The following PNPLA6 variants were observed in gnomAD, a reference collection of about 807,000 sequenced individuals.
The protein encoded by PNPLA6 is patatin-like phospholipase domain-containing protein 6.
PNPLA6 carries 105 observed loss-of-function variants against 153.7 expected under a neutral mutation model. The ratio of observed to expected loss-of-function variants is 0.68; its 90% CI spans 0.58 to 0.80. PNPLA6 has a LOEUF of 0.80. PNPLA6 is among the 30% of genes least tolerant of loss of function. The pLI is 0.00. For synonymous variants in PNPLA6, 825 were observed against 822.2 expected (o/e 1.00, Z -0.06); for missense variants, 1,423 against 1,919.3 (o/e 0.74, Z 4.83).
chr19:7,539,754 T>A (rs1330616705), intron 3 of PNPLA6, among the ~76,000 whole-genome samples, 164 bp from the exon 4 acceptor site: 1 of 117,188 alleles, frequency 8.5e-6, no homozygotes, highest in East Asian at 2.5e-4. Context: ...CAAAACTTCG[T>A]CTCAAAAAAA....
At chr19:7,556,053 CTTTTTTTTTT>C (rs33951220) in intron 24 of PNPLA6, among the ~76,000 whole-genome samples, 3 of 60,328 alleles carry the variant, frequency 5.0e-5, no homozygotes, top group East Asian at 4.4e-4. Flanking sequence ...CTAAGTGTTC[CTTTTTTTTTT>C]TTTTTTTTTT....
rs2023130612 is a variant in PNPLA6, at chr19:7,541,348, C to T, written c.925-6C>T. On this transcript the variant is annotated splice_region_variant and splice_polypyrimidine_tract_variant and intron_variant, in intron 7 of 31. Transcript: ENST00000600737. The surrounding 1 kb of genome is among the most constrained non-coding windows in gnomAD (Gnocchi z 5.2). ...ATCTTATGGCCACGCCCCTCGAGCC[C>T]TGCAGATCATCATGGTGCGGCTGCA... is the stretch of plus-strand genomic sequence containing the variant. 1.2e-6 allele frequency: 2 copies of T among 1,613,422 alleles called. No homozygotes were observed. Among genetic ancestry groups the T allele is most frequent in the African/African-American group, 2.7e-5 (2 of 74,916 alleles).
chr19:7,540,581 C>A lies in PNPLA6; in HGVS notation c.715-49C>A. On this transcript the variant is annotated intron_variant, in intron 5 of 31. Transcript: ENST00000600737. This position sits in a 1 kb window ranked among gnomAD's most constrained non-coding sequence, Gnocchi z 6.8. Reference sequence around the variant, plus strand: ...TGGGATGGATGAGGGGGCGACATGCCAGTCACCAGGGCGAGGCCACTGAGG... The same window carrying A: ...TGGGATGGATGAGGGGGCGACATGCAAGTCACCAGGGCGAGGCCACTGAGG... 2 of 1,402,326 alleles carry A rather than the reference C, an allele frequency of 1.4e-6. No individual in the cohort carries two copies. The highest frequency in any genetic ancestry group is 1.0e-6 in the Non-Finnish European group (1 of 986,550). The allele number at this position is 1,402,326 out of a possible 1,614,324, so 86.9% of individuals were successfully genotyped here.
intron 11 of PNPLA6, 35 bp downstream of exon 11, chr19:7,542,705 G>T (rs746624003): frequency 6.2e-7 from 1 of 1,612,080 alleles, no homozygotes; most frequent in South Asian, 1.1e-5. Context: ...GGTGGAGCCC[G>T]CAGGGGAAGG....
chr19:7,561,701 G>A lies in PNPLA6; in HGVS notation c.*139G>A, dbSNP rs534152961. 3.5e-4 allele frequency: 249 copies of A among 713,030 alleles called. No individual in the cohort carries two copies. The highest frequency in any genetic ancestry group is 2.7e-3 in the Middle Eastern group (12 of 4,380). The allele number at this position is 713,030 out of a possible 1,614,324, so 44.2% of individuals were successfully genotyped here. Reference sequence around the variant, plus strand: ...CACACTGGACTGACCTGCCCTGAGCGGGGATGCAGTGTTGCACTGATGACT... The same window carrying A: ...CACACTGGACTGACCTGCCCTGAGCAGGGATGCAGTGTTGCACTGATGACT... On this transcript the variant is annotated 3_prime_UTR_variant, in exon 32 of 32. Transcript: ENST00000600737.
chr19:7,547,015 C>G (rs2023413039), intron 13 of PNPLA6, among the ~76,000 whole-genome samples: 1 of 152,046 alleles, frequency 6.6e-6, no homozygotes, highest in Admixed American at 6.6e-5. Context: ...AGCAGTTCTC[C>G]TGTCTCAGCC....
chr19:7,557,783 C>CAAAA (rs1555751198), intron 27 of PNPLA6, among the ~76,000 whole-genome samples: 1 of 110,600 alleles, frequency 9.0e-6, no homozygotes, highest in Non-Finnish European at 1.7e-5. Context: ...GACTCAGTCT[C>CAAAA]AAAAAAAAAA....
Position 7,540,436 on chromosome 19 carries a change from A to C in PNPLA6, c.714+128A>C. 8.7e-7 allele frequency: 1 copy of C among 1,146,044 alleles called. No individual in the cohort carries two copies. Among genetic ancestry groups the C allele is most frequent in the Non-Finnish European group, 1.2e-6 (1 of 801,270 alleles). 71.0% of individuals were successfully genotyped at this position (1,146,044 alleles called of 1,614,324 possible). A position where few individuals can be genotyped will look rare whatever the true frequency, so the allele number is the denominator to read the frequency against. On this transcript the variant is annotated intron_variant, in intron 5 of 31. Transcript: ENST00000600737. The surrounding 1 kb of genome is among the most constrained non-coding windows in gnomAD (Gnocchi z 6.8). ...GAGTCAGGGGAACGGGTGACCGAGGACATTTGGGGTAGTCTGCGTAGTTGC... is the reference window on the plus strand; with the variant it reads ...GAGTCAGGGGAACGGGTGACCGAGGCCATTTGGGGTAGTCTGCGTAGTTGC...
Position 7,541,425 on chromosome 19 carries a change from C to G in PNPLA6, c.996C>G (p.Leu332=). Residue 332 remains leucine (L), a synonymous_variant, in exon 8 of 32, where the codon CTC becomes CTG. Transcript: ENST00000600737. The surrounding 1 kb of genome is among the most constrained non-coding windows in gnomAD (Gnocchi z 5.2). The part of the protein sequence containing the change: ...LHNYLGLTNE[L]FSHEIQPLRL... ...ACTACCTGGGTCTGACCAATGAGCT[C>G]TTCAGCCACGTGAGTGGGTGGCGGG... The G allele has an allele frequency of 6.2e-7, 1 of 1,613,922 alleles. No homozygotes were observed. The highest frequency in any genetic ancestry group is 1.1e-5 in the South Asian group (1 of 91,086).
At chr19:7,552,085 G>T (rs1368144113) in intron 18 of PNPLA6, among the ~76,000 whole-genome samples, 1 of 152,180 alleles carries the variant, frequency 6.6e-6, no homozygotes, top group Admixed American at 6.5e-5. Context: ...ACTCCAGCCG[G>T]GATGACAGAG....
Position 7,555,201 on chromosome 19 carries a change from G to A in PNPLA6, c.2818-48G>A, listed in dbSNP as rs1417401451. 1 of 1,538,588 alleles carries A rather than the reference G, an allele frequency of 6.5e-7. No homozygotes were observed. The highest frequency in any genetic ancestry group is 1.2e-5 in the South Asian group (1 of 85,958). On this transcript the variant is annotated intron_variant, in intron 22 of 31. Transcript: ENST00000600737. This position sits in a 1 kb window ranked among gnomAD's most constrained non-coding sequence, Gnocchi z 6.3. ...TCAGGGTACCCCTGGGGGATCCGCCGGACCCCGCCCTCATGCTCCTGGGTC... is the reference window on the plus strand; with the variant it reads ...TCAGGGTACCCCTGGGGGATCCGCCAGACCCCGCCCTCATGCTCCTGGGTC...
At position 7,550,301 on chromosome 19, in the gene PNPLA6, C is replaced by T. The variant is rs1187618994; in HGVS notation, c.1818C>T (p.Ile606=). The T allele has an allele frequency of 1.2e-6, 2 of 1,612,790 alleles. No homozygotes were observed. Residue 606 remains isoleucine, a synonymous_variant, in exon 15 of 32, where the codon ATC becomes ATT. Transcript: ENST00000600737. The part of the protein sequence containing the change: ...LRISKSDFYE[I]MRAQPSVVLS... ...CATCCCAAGTCTGTTCCTGCAGGAT[C>T]ATGCGCGCACAGCCCAGTGTGGTGC... is the stretch of plus-strand genomic sequence containing the variant.
chr19:7,541,129 G>A lies in PNPLA6; in HGVS notation c.924+78G>A, dbSNP rs1445105032. ...CACCCATTCCAGGCTCCAAGGGACC[G>A]AGGCCCAGCAGCCAGCAGGCGCTGG... is the stretch of plus-strand genomic sequence containing the variant. On this transcript the variant is annotated intron_variant, in intron 7 of 31. Transcript: ENST00000600737. The surrounding 1 kb of genome is among the most constrained non-coding windows in gnomAD (Gnocchi z 5.2). The A allele has an allele frequency of 2.1e-6, 3 of 1,428,338 alleles. No homozygotes were observed. In the Admixed American group the frequency reaches 5.9e-5, roughly 28 times the overall value. The allele number at this position is 1,428,338 out of a possible 1,614,324, so 88.5% of individuals were successfully genotyped here. A position where few individuals can be genotyped will look rare whatever the true frequency, so the allele number is the denominator to read the frequency against.
rs369465821 is a variant in PNPLA6, at chr19:7,542,043, G to A, written c.1228G>A (p.Val410Ile). ...TPSAPLLSRC[V>I]SMPGDISGLQ... ...CTCGGCCCCTCTGCTGAGCCGCTGC[G>A]TCTCCATGCCAGGGGACATCTCAGG... The change falls in exon 10 of 32, where the codon GTC (valine) becomes ATC (isoleucine). Residue 410 changes from valine to isoleucine, a missense_variant. Physicochemically the swap from Val to Ile is conservative, Grantham distance 29. Coordinates refer to ENST00000600737, the MANE Select transcript of PNPLA6 (RefSeq NM_001166114.2). 115 of 1,607,102 alleles carry A rather than the reference G, an allele frequency of 7.2e-5. 1 individual carries two copies. Among genetic ancestry groups the A allele is most frequent in the East Asian group, 6.2e-4 (28 of 44,886 alleles).
chr19:7,535,826 C>T lies in PNPLA6; in HGVS notation c.38C>T (p.Ser13Leu), dbSNP rs771019262. The change falls in exon 1 of 32, where the codon TCG becomes TTG. Residue 13 changes from serine (S) to leucine (L), a missense_variant. By Grantham distance (145) the Ser-to-Leu change is moderately radical. Transcript: ENST00000600737. The surrounding 1 kb of genome is among the most constrained non-coding windows in gnomAD (Gnocchi z 5.0). ...AGTCACGGGCTGGCTACGAACTCCT[C>T]GGGGGCGAAGGTGGCGGAGAGGGAT... ...TSSHGLATNS[S>L]GAKVAERDGF... The T allele has an allele frequency of 1.3e-6, 2 of 1,536,964 alleles. No homozygotes were observed. The highest frequency in any genetic ancestry group is 1.4e-5 in the African/African-American group (1 of 73,162).
At chr19:7,558,763 T>C in intron 27 of PNPLA6, 87 bp from the exon 28 acceptor site, 1 of 910,432 alleles carries the variant, frequency 1.1e-6, no homozygotes, top group Non-Finnish European at 1.7e-6. Flanking sequence ...CGTGATCATT[T>C]GCATGATGGC....
intron 13 of PNPLA6, among the ~76,000 whole-genome samples, chr19:7,546,371 G>A (rs1367943888): frequency 1.3e-5 from 2 of 152,140 alleles, no homozygotes; most frequent in Admixed American, 1.3e-4. Context: ...GCTCACGCCT[G>A]TAATCCCAGC....
intron 13 of PNPLA6, among the ~76,000 whole-genome samples, chr19:7,547,318 T>G (rs567177356): frequency 6.6e-6 from 1 of 152,326 alleles, no homozygotes; most frequent in Non-Finnish European, 1.5e-5. Flanking sequence ...AATTCCAGTC[T>G]CTCTACATTC....
chr19:7,560,778 GC>G lies in PNPLA6; in HGVS notation c.3816+19del. 1 of 1,481,710 alleles carries G rather than the reference GC, an allele frequency of 6.7e-7. No homozygotes were observed. Among genetic ancestry groups the G allele is most frequent in the Non-Finnish European group, 9.4e-7 (1 of 1,059,636 alleles). 91.8% of individuals were successfully genotyped at this position (1,481,710 alleles called of 1,614,324 possible). A position where few individuals can be genotyped will look rare whatever the true frequency, so the allele number is the denominator to read the frequency against. ...CGCCGTGCAGACGTAAGCCTGTGATGCCCCCAGGGCCACTCTGACTCCACTG... is the reference window on the plus strand; with the variant it reads ...CGCCGTGCAGACGTAAGCCTGTGATGCCCCAGGGCCACTCTGACTCCACTG... On this transcript the variant is annotated intron_variant, in intron 29 of 31. Transcript: ENST00000600737.
Sources: allele counts gnomAD v4.1 joint callset (sites outside exome capture counted in the v4.1 genomes callset), GRCh38; gene constraint gnomAD v4.1.1; non-coding constraint Gnocchi (gnomAD v3.1); transcripts MANE v1.5; gene names NCBI Gene and HGNC (gene_info 2026-07-23, HGNC 2026-07-21).